S100Z: variants seen among roughly 807,000 people sequenced by gnomAD.
S100Z encodes the protein protein S100-Z.
A neutral mutation model predicts 8.5 loss-of-function variants in S100Z; 11 were observed. The ratio of observed to expected loss-of-function variants is 1.30; its 90% CI spans 0.82 to 2.15. The LOEUF is 2.15. Among genes scored for constraint, S100Z ranks in the 30% most tolerant of loss-of-function variants. S100Z has a pLI of 0.00. For missense variants in S100Z, 126 were observed against 117.9 expected, an observed-to-expected ratio of 1.07 and a Z score of -0.32; for synonymous variants, 34 against 43.8, an observed-to-expected ratio of 0.78 and a Z score of 0.89.
At chr5:76,952,753 G>A in the S100Z span, 1 of 195,542 alleles carries the variant, frequency 5.1e-6, no homozygotes, top group Admixed American at 5.3e-5. Flanking sequence ...AATGCCCACA[G>A]AAAAGTATAA....
At chr5:76,916,833 G>A (rs1371255839) in intron 4 of S100Z, among the ~76,000 whole-genome samples, 4 of 152,154 alleles carry the variant, frequency 2.6e-5, no homozygotes, top group Admixed American at 2.6e-4. Context: ...TTAGAAAAGA[G>A]GATATTTCAA....
the S100Z span, among the ~76,000 whole-genome samples, chr5:76,949,107 G>A: frequency 6.6e-6 from 1 of 152,170 alleles, no homozygotes; most frequent in Non-Finnish European, 1.5e-5. Flanking sequence ...AAAGTTTTTA[G>A]GCCAGGCACA....
intron 1 of S100Z, among the ~76,000 whole-genome samples, chr5:76,854,855 G>C (rs990054245): frequency 6.6e-6 from 1 of 152,268 alleles, no homozygotes; most frequent in Non-Finnish European, 1.5e-5. Flanking sequence ...CAAAGGCCTA[G>C]GAGGGAAGAA....
chr5:76,902,204 C>T (rs1257013197), intron 4 of S100Z, among the ~76,000 whole-genome samples: 1 of 152,170 alleles, frequency 6.6e-6, no homozygotes, highest in Non-Finnish European at 1.5e-5. Context: ...CCAGCACTTC[C>T]TTGGCTGCCC....
intron 4 of S100Z, among the ~76,000 whole-genome samples, chr5:76,893,704 T>C (rs1743941536): frequency 6.6e-6 from 1 of 152,150 alleles, no homozygotes; most frequent in Non-Finnish European, 1.5e-5. Context: ...TCTTAGGGAC[T>C]AAAAAGAGAT....
chr5:76,855,805 G>A (rs1750865302), intron 1 of S100Z, among the ~76,000 whole-genome samples: 1 of 152,166 alleles, frequency 6.6e-6, no homozygotes, highest in South Asian at 2.1e-4. Flanking sequence ...AGAAGGACAT[G>A]AGATTTGGAG....
rs1345266454 is a variant in S100Z, at chr5:76,875,443, G to T, written c.84G>T (p.Lys28Asn). ...CTGGCAAGGAAAGGAAGAGATTCAA[G>T]CTCAGCAAGGGGGAACTGAAACTGC... ...RYSGKERKRF[K>N]LSKGELKLLL... The change falls in exon 3 of 5, where the codon AAG becomes AAT. Residue 28 changes from lysine to asparagine, a missense_variant. Transcript: ENST00000317593. 1 of 1,613,014 alleles carries T rather than the reference G, an allele frequency of 6.2e-7. No individual in the cohort carries two copies.
intron 4 of S100Z, among the ~76,000 whole-genome samples, chr5:76,911,048 C>T (rs1744638244): frequency 6.6e-6 from 1 of 152,152 alleles, no homozygotes; most frequent in Admixed American, 6.5e-5. Flanking sequence ...TTGTCCTCTA[C>T]TTGAGGAGGG....
intron 1 of S100Z, among the ~76,000 whole-genome samples, chr5:76,867,493 A>C (rs139818177): frequency 4.6e-5 from 7 of 151,970 alleles, no homozygotes; most frequent in African/African-American, 1.7e-4. Flanking sequence ...TTCAGAGTCC[A>C]TGACCAATGC....
chr5:76,906,268 AT>A (rs921923335), intron 4 of S100Z, among the ~76,000 whole-genome samples: 1 of 150,540 alleles, frequency 6.6e-6, no homozygotes, highest in Non-Finnish European at 1.5e-5. Context: ...CACTTCACAT[AT>A]TTTTTTGGTG....
At chr5:76,892,727 G>A (rs77969616) in intron 4 of S100Z, among the ~76,000 whole-genome samples, 1,579 of 152,236 alleles carry the variant, frequency 0.01, 39 homozygotes, top group African/African-American at 0.035. Flanking sequence ...TTTGATCAGC[G>A]CTCATTGAAT....
intron 1 of S100Z, among the ~76,000 whole-genome samples, chr5:76,867,455 A>T (rs10054018): frequency 0.33 from 50,288 of 152,050 alleles, 9,735 homozygotes; most frequent in East Asian, 0.54. Flanking sequence ...GGTTGACAGG[A>T]TGCCTCTTCT....
At chr5:76,931,857 A>T in the S100Z span, among the ~76,000 whole-genome samples, 1 of 152,052 alleles carries the variant, frequency 6.6e-6, no homozygotes, top group East Asian at 1.9e-4. Flanking sequence ...TGACACCAGG[A>T]TGTCCATATA....
intron 4 of S100Z, among the ~76,000 whole-genome samples, chr5:76,914,709 A>G (rs1004105283): frequency 6.6e-6 from 1 of 151,714 alleles, no homozygotes; most frequent in East Asian, 1.9e-4. Context: ...GAGCTGTAAC[A>G]CTCACCGCGA....
At chr5:76,903,725 T>G (rs927116566) in intron 4 of S100Z, among the ~76,000 whole-genome samples, 11 of 145,016 alleles carry the variant, frequency 7.6e-5, no homozygotes, top group African/African-American at 3.2e-4. Context: ...GTTTTCTTTT[T>G]TTGTTGTTTT....
chr5:76,919,546 CCCTCCCTTCCTT>C (rs1744968544), intron 4 of S100Z, among the ~76,000 whole-genome samples: 3 of 136,252 alleles, frequency 2.2e-5, no homozygotes, highest in Non-Finnish European at 3.1e-5. Context: ...CTCCCTCCCT[CCCTCCCTTCCTT>C]CCTTCCTTTC....
At chr5:76,861,088 G>A (rs6882703) in intron 1 of S100Z, among the ~76,000 whole-genome samples, 6,867 of 152,250 alleles carry the variant, frequency 0.045, 288 homozygotes, top group African/African-American at 0.11. Flanking sequence ...AAGAATTCAG[G>A]AGTTGTTTGG....
intron 4 of S100Z, among the ~76,000 whole-genome samples, 197 bp from the exon 5 acceptor site, chr5:76,920,520 C>T (rs1745005358): frequency 6.6e-6 from 1 of 152,224 alleles, no homozygotes; most frequent in African/African-American, 2.4e-5. Flanking sequence ...GCCTGCCCAC[C>T]TTCCACAAGA....
At chr5:76,928,192 A>G in the S100Z span, among the ~76,000 whole-genome samples, 1 of 152,146 alleles carries the variant, frequency 6.6e-6, no homozygotes, top group African/African-American at 2.4e-5. Flanking sequence ...GACCTTTATA[A>G]ATTACAGCTT....
Sources: allele counts gnomAD v4.1 joint callset (sites outside exome capture counted in the v4.1 genomes callset), GRCh38; gene constraint gnomAD v4.1.1; transcripts MANE v1.5; gene names NCBI Gene and HGNC (gene_info 2026-07-23, HGNC 2026-07-21).